ZNF558: variants seen among roughly 807,000 people sequenced by gnomAD.
ZNF558 encodes zinc finger protein 558.
A neutral mutation model predicts 37.6 loss-of-function variants in ZNF558; 23 were observed. That is an observed-to-expected ratio of 0.61 (90% CI 0.44 to 0.87). ZNF558 has a LOEUF of 0.87. Among genes scored for constraint, ZNF558 ranks in the 40% least tolerant of loss-of-function variants. ZNF558 has a pLI of 0.00. For synonymous variants in ZNF558, 189 were observed against 174.4 expected (o/e 1.08, Z -0.66); for missense variants, 429 against 483.7 (o/e 0.89, Z 1.06).
rs375471557 is a variant in ZNF558, at chr19:8,811,486, A to G, written c.1004T>C (p.Leu335Pro). 1.9e-6 allele frequency: 3 copies of G among 1,614,142 alleles called. No individual in the cohort carries two copies. In the African/African-American group the frequency reaches 4.0e-5, roughly 22 times the overall value. Reference sequence around the variant, plus strand: ...GGTATGTATTCTCTTGTGCACAGTAAGAGAAAAGCTACTGCTGAAGGATTT... The same window carrying G: ...GGTATGTATTCTCTTGTGCACAGTAGGAGAAAAGCTACTGCTGAAGGATTT... ...CGKSFSSSFS[L>P]TVHKRIHTGE... The change falls in exon 10 of 10, where the codon CTT (leucine) becomes CCT (proline). Residue 335 changes from leucine (L) to proline (P), a missense_variant. Coordinates refer to ENST00000601372, the MANE Select transcript of ZNF558 (RefSeq NM_144693.3).
rs1489410514 is a variant in ZNF558, at chr19:8,824,147, C to G, written c.-131G>C. The G allele has an allele frequency of 6.6e-6, 1 of 152,250 alleles. No individual in the cohort carries two copies. Among genetic ancestry groups the G allele is most frequent in the Non-Finnish European group, 1.5e-5 (1 of 68,164 alleles). The allele number at this position is 152,250 out of a possible 1,614,324, so 9.4% of individuals were successfully genotyped here. The stretch of plus-strand genomic sequence containing the variant: ...TGGGTGCAGGGGTGACTTTCAGGAC[C>G]AGGTCTTGGAAGGCACTACAGCTGC... On this transcript the variant is annotated 5_prime_UTR_variant, in exon 4 of 10. Transcript: ENST00000601372.
Position 8,822,205 on chromosome 19 carries a change from C to T in ZNF558, c.32-114G>A. 1 of 1,260,768 alleles carries T rather than the reference C, an allele frequency of 7.9e-7. No homozygotes were observed. Among genetic ancestry groups the T allele is most frequent in the South Asian group, 1.4e-5 (1 of 72,834 alleles). 78.1% of individuals were successfully genotyped at this position (1,260,768 alleles called of 1,614,324 possible). On this transcript the variant is annotated intron_variant, in intron 5 of 9. Coordinates refer to ENST00000601372, the MANE Select transcript of ZNF558 (RefSeq NM_144693.3). This position sits in a 1 kb window ranked among gnomAD's most constrained non-coding sequence, Gnocchi z 4.4. ...CACACGGATGAGGCACCACACAGTGCCCACCTACGCTCCATGCAAACACCT... is the reference window on the plus strand; with the variant it reads ...CACACGGATGAGGCACCACACAGTGTCCACCTACGCTCCATGCAAACACCT...
Position 8,812,584 on chromosome 19 carries a change from C to G in ZNF558, c.403G>C (p.Glu135Gln). The change falls in exon 9 of 10, where the codon GAA becomes CAA. Residue 135 changes from glutamate (E) to glutamine (Q), a missense_variant. By Grantham distance (29) the Glu-to-Gln change is conservative (BLOSUM62 2). Transcript: ENST00000601372. ...LTPKKNVFRK[E>Q]QSKGVKTERS... ...ACCGTTTTTACACCTTTAGACTGTT[C>G]TTTTCTGAAAACATTCTTCTTAGGA... 6.2e-7 allele frequency: 1 copy of G among 1,603,696 alleles called. No individual in the cohort carries two copies. Among genetic ancestry groups the G allele is most frequent in the East Asian group, 2.2e-5 (1 of 44,576 alleles).
intron 7 of ZNF558, among the ~76,000 whole-genome samples, chr19:8,819,580 T>A (rs1049029599): frequency 6.6e-6 from 1 of 152,178 alleles, no homozygotes; most frequent in Admixed American, 6.5e-5. Context: ...GAATAAGGAT[T>A]TGGTACCCAG....
intron 3 of ZNF558, among the ~76,000 whole-genome samples, 169 bp from the exon 4 acceptor site, chr19:8,824,586 T>C (rs150679788): frequency 6.6e-6 from 1 of 152,304 alleles, no homozygotes; most frequent in East Asian, 1.9e-4. Flanking sequence ...CTTTCCTGTG[T>C]TGCTGCCAGC....
At chr19:8,815,302 G>A (rs1481250577) in intron 7 of ZNF558, among the ~76,000 whole-genome samples, 7 of 152,042 alleles carry the variant, frequency 4.6e-5, no homozygotes, top group South Asian at 4.1e-4. Flanking sequence ...TACAACTATG[G>A]CATATCAAAA....
At chr19:8,819,932 G>A (rs571902942) in intron 7 of ZNF558, among the ~76,000 whole-genome samples, 1 of 152,066 alleles carries the variant, frequency 6.6e-6, no homozygotes, top group South Asian at 2.1e-4. Flanking sequence ...GGCGACAGAG[G>A]GAGACTGTGT....
chr19:8,813,152 T>G lies in ZNF558; in HGVS notation c.318A>C (p.Arg106Ser). 6.3e-7 allele frequency: 1 copy of G among 1,595,808 alleles called. No homozygotes were observed. Among genetic ancestry groups the G allele is most frequent in the Admixed American group, 1.7e-5 (1 of 57,266 alleles). The change falls in exon 8 of 10, where the codon AGA becomes AGC. Residue 106 changes from arginine to serine, a missense_variant. By Grantham distance (110) the Arg-to-Ser change is moderately radical (BLOSUM62 -1). Transcript: ENST00000601372. ...EQDKKVVTEE[R>S]GILPSTCPDL... The stretch of plus-strand genomic sequence containing the variant: ...CTGGACAGGTGCTTGGTAGAATTCC[T>G]CTTTCCTCTGTCACCACCTTCTTGT...
intron 6 of ZNF558, 21 bp downstream of exon 6, chr19:8,821,982 G>C (rs2044103726): frequency 6.2e-7 from 1 of 1,613,446 alleles, no homozygotes; most frequent in African/African-American, 1.3e-5. Flanking sequence ...AATGATTTGG[G>C]AAAAGGAACA....
intron 3 of ZNF558, 46 bp from the exon 4 acceptor site, chr19:8,824,463 A>C (rs539228336): frequency 6.6e-6 from 1 of 152,352 alleles, no homozygotes; most frequent in East Asian, 1.9e-4. Context: ...CATTGTTTCA[A>C]GTGACTAAGG....
Position 8,822,822 on chromosome 19 carries a change from A to C in ZNF558, c.-65-98T>G. The C allele has an allele frequency of 9.0e-7, 1 of 1,106,262 alleles. No individual in the cohort carries two copies. Among genetic ancestry groups the C allele is most frequent in the East Asian group, 2.5e-5 (1 of 39,570 alleles). The allele number at this position is 1,106,262 out of a possible 1,614,324, so 68.5% of individuals were successfully genotyped here. On this transcript the variant is annotated intron_variant, in intron 4 of 9. Coordinates refer to ENST00000601372, the MANE Select transcript of ZNF558 (RefSeq NM_144693.3). The surrounding 1 kb of genome is among the most constrained non-coding windows in gnomAD (Gnocchi z 4.4). Reference sequence around the variant, plus strand: ...AACCCATCCTTCCCATCCTTCTTCAAATGCAAGTTCCGGCTTCCACACTGG... The same window carrying C: ...AACCCATCCTTCCCATCCTTCTTCACATGCAAGTTCCGGCTTCCACACTGG...
intron 7 of ZNF558, among the ~76,000 whole-genome samples, chr19:8,819,685 GCCAGCACTTTGGGAGGC>G (rs1161520724): frequency 6.6e-6 from 1 of 152,020 alleles, no homozygotes; most frequent in Non-Finnish European, 1.5e-5. Context: ...CACTTGTAAT[GCCAGCACTTTGGGAGGC>G]CAAGGCAGGC....
intron 4 of ZNF558, chr19:8,823,755 C>G (rs1195723282): frequency 6.6e-6 from 1 of 152,564 alleles, no homozygotes; most frequent in East Asian, 2.0e-4. Flanking sequence ...CACTGTCATG[C>G]CAGCCCAGCA....
At chr19:8,814,430 G>A (rs1198224692) in intron 7 of ZNF558, among the ~76,000 whole-genome samples, 1 of 152,196 alleles carries the variant, frequency 6.6e-6, no homozygotes, top group Non-Finnish European at 1.5e-5. Flanking sequence ...ACTGCTTGAG[G>A]CAAGAGAAAA....
At chr19:8,828,889 G>A (rs2044288883) in intron 2 of ZNF558, among the ~76,000 whole-genome samples, 1 of 151,638 alleles carries the variant, frequency 6.6e-6, no homozygotes, top group African/African-American at 2.4e-5. Flanking sequence ...CTTGAACCTG[G>A]GAGGCAGACG....
intron 7 of ZNF558, among the ~76,000 whole-genome samples, chr19:8,816,439 G>A (rs545390506): frequency 6.6e-5 from 10 of 152,198 alleles, no homozygotes; most frequent in South Asian, 2.1e-4. Flanking sequence ...GACTTATGAC[G>A]TAAACAGGAT....
In ZNF558 at chr19:8,811,507, G is replaced by T. The variant is rs781896479; in HGVS notation, c.983C>A (p.Ser328Tyr). The change falls in exon 10 of 10, where the codon TCC (serine) becomes TAC (tyrosine). Residue 328 changes from serine (S) to tyrosine (Y), a missense_variant. By Grantham distance (144) the Ser-to-Tyr change is moderately radical. Transcript: ENST00000601372. ...KPYECNECGKSFSSSFSLTVH... is the reference protein window; with the variant it reads ...KPYECNECGKYFSSSFSLTVH... ...AGTAAGAGAAAAGCTACTGCTGAAG[G>T]ATTTCCCACACTCGTTACATTCATA... 3.7e-6 allele frequency: 6 copies of T among 1,614,164 alleles called. No homozygotes were observed. The highest frequency in any genetic ancestry group is 3.4e-6 in the Non-Finnish European group (4 of 1,180,008).
chr19:8,825,466 C>T (rs1215686930), intron 2 of ZNF558, among the ~76,000 whole-genome samples: 1 of 151,920 alleles, frequency 6.6e-6, no homozygotes, highest in African/African-American at 2.4e-5. Flanking sequence ...ACAAAGAACC[C>T]CTGAAAAGAT....
chr19:8,820,813 G>A (rs1195559558), intron 7 of ZNF558, among the ~76,000 whole-genome samples: 2 of 152,146 alleles, frequency 1.3e-5, no homozygotes, highest in Non-Finnish European at 2.9e-5. Context: ...TACATGAAAA[G>A]TCAGACACAA....
Sources: gnomAD v4.1 joint callset for allele counts (sites outside exome capture counted in the v4.1 genomes callset) on GRCh38, gnomAD v4.1.1 for gene constraint, Gnocchi (gnomAD v3.1) non-coding constraint, MANE v1.5 for transcripts, NCBI Gene and HGNC (gene_info 2026-07-23, HGNC 2026-07-21) for gene names.